The following CSMD1 variants were observed in gnomAD, a reference collection of about 807,000 sequenced individuals.
The protein encoded by CSMD1 is CUB and Sushi multiple domains 1.
In CSMD1, 213 loss-of-function variants were observed where a neutral mutation model predicts 417.5. That is an observed-to-expected ratio of 0.51 (90% CI 0.46 to 0.57). The LOEUF is 0.57. Among genes scored for constraint, CSMD1 ranks in the 20% least tolerant of loss-of-function variants. CSMD1 has a pLI of 0.00. For synonymous variants in CSMD1, 2,862 were observed against 1,736.8 expected, an observed-to-expected ratio of 1.65 and a Z score of -16.11; for missense variants, 6,923 against 4,529.7, an observed-to-expected ratio of 1.53 and a Z score of -15.17.
At chr8:4,739,037 TGTGA>T (rs143159535) in intron 1 of CSMD1, among the ~76,000 whole-genome samples, 1,756 of 152,240 alleles carry the variant, frequency 0.012, 34 homozygotes, top group African/African-American at 0.04. Context: ...AGGAATGTAG[TGTGA>T]GTAACTGATA....
At chr8:4,019,520 T>G (rs1796684946) in intron 4 of CSMD1, among the ~76,000 whole-genome samples, 1 of 152,232 alleles carries the variant, frequency 6.6e-6, no homozygotes, top group Non-Finnish European at 1.5e-5. Context: ...GTTTGGTGGT[T>G]ACCCAAGAGA....
intron 1 of CSMD1, among the ~76,000 whole-genome samples, chr8:4,905,639 G>T (rs976317909): frequency 6.6e-6 from 1 of 151,588 alleles, no homozygotes; most frequent in Non-Finnish European, 1.5e-5. Context: ...CTAACACGGT[G>T]AAACCCCGTC....
intron 50 of CSMD1, among the ~76,000 whole-genome samples, chr8:3,032,847 A>T (rs974698889): frequency 6.6e-6 from 1 of 152,092 alleles, no homozygotes; most frequent in Admixed American, 6.6e-5. Context: ...GAATATTTTT[A>T]AAAAACACTG....
chr8:2,976,274 G>C (rs1804917905), intron 55 of CSMD1, among the ~76,000 whole-genome samples: 1 of 151,818 alleles, frequency 6.6e-6, no homozygotes, highest in Non-Finnish European at 1.5e-5. Flanking sequence ...ACTTCACAGT[G>C]CTAAAACTGA....
intron 3 of CSMD1, among the ~76,000 whole-genome samples, chr8:4,127,489 A>G (rs1360441312): frequency 6.7e-6 from 1 of 149,496 alleles, no homozygotes; most frequent in Non-Finnish European, 1.5e-5. Context: ...AGAAAATCAT[A>G]AAAACTAACT....
intron 23 of CSMD1, among the ~76,000 whole-genome samples, chr8:3,330,019 A>C (rs1477330271): frequency 6.6e-6 from 1 of 152,212 alleles, no homozygotes; most frequent in Non-Finnish European, 1.5e-5. Context: ...TTTTGTGTGG[A>C]GGAATGGACT....
At chr8:4,883,796 C>T (rs1185501561) in intron 1 of CSMD1, among the ~76,000 whole-genome samples, 1 of 151,804 alleles carries the variant, frequency 6.6e-6, no homozygotes, top group Non-Finnish European at 1.5e-5. Flanking sequence ...TTCATGTACA[C>T]AAAAAATATT....
intron 1 of CSMD1, among the ~76,000 whole-genome samples, chr8:4,763,134 G>T (rs1224839040): frequency 2.0e-5 from 3 of 152,140 alleles, no homozygotes; most frequent in Non-Finnish European, 4.4e-5. Context: ...AAGACGAAGA[G>T]GTTAATACAG....
intron 3 of CSMD1, among the ~76,000 whole-genome samples, chr8:4,064,133 G>C (rs574697577): frequency 3.2e-4 from 49 of 152,244 alleles, no homozygotes; most frequent in African/African-American, 1.0e-3. Context: ...AATTGTTTCT[G>C]CCTCTGATGT....
chr8:4,105,151 C>G (rs1390922523), intron 3 of CSMD1, among the ~76,000 whole-genome samples: 1 of 152,134 alleles, frequency 6.6e-6, no homozygotes, highest in East Asian at 1.9e-4. Flanking sequence ...TAACGTACAA[C>G]TGAAAATTAG....
intron 3 of CSMD1, among the ~76,000 whole-genome samples, chr8:4,093,590 C>T (rs887952387): frequency 2.6e-5 from 4 of 152,098 alleles, no homozygotes; most frequent in African/African-American, 9.7e-5. Flanking sequence ...GGCAGAATAT[C>T]GGTATGCTTT....
At chr8:4,214,551 G>C (rs1030762225) in intron 3 of CSMD1, among the ~76,000 whole-genome samples, 1 of 152,152 alleles carries the variant, frequency 6.6e-6, no homozygotes, top group African/African-American at 2.4e-5. Context: ...GTCTGACTTG[G>C]CCTCCCAAAG....
intron 7 of CSMD1, among the ~76,000 whole-genome samples, chr8:3,670,550 C>CAT (rs1261184042): frequency 7.0e-4 from 77 of 110,232 alleles, no homozygotes; most frequent in African/African-American, 2.3e-3. Context: ...ACATATATCC[C>CAT]ATATATATAT....
intron 2 of CSMD1, among the ~76,000 whole-genome samples, chr8:4,479,272 T>C (rs1526338): frequency 0.014 from 2,086 of 152,272 alleles, 41 homozygotes; most frequent in African/African-American, 0.048. Context: ...TAAATCAAAG[T>C]TGCATTTGTT....
chr8:4,619,427 T>C (rs1801648899), intron 2 of CSMD1, among the ~76,000 whole-genome samples: 1 of 152,188 alleles, frequency 6.6e-6, no homozygotes, highest in Non-Finnish European at 1.5e-5. Context: ...GTCCTTCAAC[T>C]AGCGGTCGTC....
chr8:3,659,480 G>A (rs1456967850), intron 7 of CSMD1, among the ~76,000 whole-genome samples: 2 of 152,164 alleles, frequency 1.3e-5, no homozygotes, highest in Non-Finnish European at 2.9e-5. Context: ...AGAAGCAGAT[G>A]CGTTTCACTT....
chr8:3,153,363 A>G (rs751779841), intron 39 of CSMD1, among the ~76,000 whole-genome samples: 1 of 152,208 alleles, frequency 6.6e-6, no homozygotes, highest in African/African-American at 2.4e-5. Flanking sequence ...CTGTCTATGG[A>G]GTAACCATTC....
At chr8:3,570,598 T>C (rs186066619) in intron 10 of CSMD1, among the ~76,000 whole-genome samples, 42 of 152,276 alleles carry the variant, frequency 2.8e-4, no homozygotes, top group African/African-American at 9.6e-4. Context: ...TGAGCTGCAA[T>C]GCTATCACGG....
intron 12 of CSMD1, among the ~76,000 whole-genome samples, chr8:3,441,558 A>G (rs1358811621): frequency 1.3e-5 from 2 of 151,424 alleles, no homozygotes; most frequent in African/African-American, 2.4e-5. Flanking sequence ...ATTTCAATCA[A>G]TGATGGATCA....
Sources: gnomAD v4.1 joint callset for allele counts (sites outside exome capture counted in the v4.1 genomes callset) on GRCh38, gnomAD v4.1.1 for gene constraint, MANE v1.5 for transcripts, NCBI Gene and HGNC (gene_info 2026-07-23, HGNC 2026-07-21) for gene names.